The following TMPRSS11A variants were observed in gnomAD, a reference collection of about 807,000 sequenced individuals.
The protein encoded by TMPRSS11A is transmembrane serine protease 11A.
Under a neutral mutation model 58.9 loss-of-function variants are expected in TMPRSS11A, and 53 were observed. The observed-to-expected ratio is 0.90, with a 90% confidence interval of 0.72 to 1.13. TMPRSS11A has a LOEUF of 1.13. TMPRSS11A is among the 50% of genes most tolerant of loss of function. TMPRSS11A has a pLI of 0.00. For synonymous variants in TMPRSS11A, 167 were observed against 169.8 expected, an observed-to-expected ratio of 0.98 and a Z score of 0.13; for missense variants, 493 against 499.3, an observed-to-expected ratio of 0.99 and a Z score of 0.12.
intron 8 of TMPRSS11A, 68 bp from the exon 9 acceptor site, chr4:67,914,798 CT>C: frequency 7.7e-7 from 1 of 1,304,308 alleles, no homozygotes; most frequent in East Asian, 2.4e-5. Flanking sequence ...AGTGAGCAGA[CT>C]TTCCTAATAT....
intron 1 of TMPRSS11A, among the ~76,000 whole-genome samples, chr4:67,958,823 G>A (rs192296976): frequency 2.0e-4 from 31 of 152,276 alleles, no homozygotes; most frequent in Middle Eastern, 3.4e-3. Flanking sequence ...CCCATGTGTC[G>A]TAGGAGGGAT....
chr4:67,947,773 A>G (rs1278307054), intron 1 of TMPRSS11A, among the ~76,000 whole-genome samples: 2 of 152,228 alleles, frequency 1.3e-5, no homozygotes, highest in African/African-American at 4.8e-5. Context: ...TCACTTACAG[A>G]TAGCTTCTCA....
intron 1 of TMPRSS11A, among the ~76,000 whole-genome samples, chr4:67,948,402 C>G (rs1721081143): frequency 6.6e-6 from 1 of 152,146 alleles, no homozygotes. Context: ...TGGTGATCCA[C>G]CCACCTCGGC....
chr4:67,954,986 T>G (rs932815115), intron 1 of TMPRSS11A, among the ~76,000 whole-genome samples: 1 of 152,228 alleles, frequency 6.6e-6, no homozygotes, highest in African/African-American at 2.4e-5. Flanking sequence ...TTATTATTAT[T>G]ACAGACTTGA....
chr4:67,914,566 TA>T (rs766450449), intron 9 of TMPRSS11A, 21 bp downstream of exon 9: 2 of 1,608,764 alleles, frequency 1.2e-6, no homozygotes, highest in Non-Finnish European at 1.7e-6. Flanking sequence ...GTTAGTAATA[TA>T]AAAAAATCCC....
rs940179687 is a variant in TMPRSS11A at position 67,924,121 on chromosome 4, G to T, written c.520+7C>A. 8.1e-6 allele frequency: 13 copies of T among 1,611,828 alleles called. No homozygotes were observed. Among genetic ancestry groups the T allele is most frequent in the South Asian group, 2.2e-5 (2 of 90,984 alleles). On this transcript the variant is annotated splice_region_variant and intron_variant, in intron 6 of 9. Coordinates refer to ENST00000508048, the MANE Select transcript of TMPRSS11A (RefSeq NM_001114387.2). ...TGAACTTGTTTATATAAGCTAACTT[G>T]ACTTACTTGCTTGGACAGTTAACTC...
intron 3 of TMPRSS11A, among the ~76,000 whole-genome samples, chr4:67,938,478 G>A (rs1195380162): frequency 6.6e-6 from 1 of 152,070 alleles, no homozygotes. Context: ...TAAATTCTGT[G>A]CCAAGACTGA....
rs192824315 is a variant in TMPRSS11A at position 67,961,661 on chromosome 4, C to A, written c.11+1722G>T. ...AAGTAGCTGGGCCTACAGGTGCATG[C>A]GCCACCATGCCCGGCTAATTGTTGT... is the stretch of plus-strand genomic sequence containing the variant. On this transcript the variant is annotated intron_variant, in intron 1 of 9. Coordinates refer to ENST00000508048, the MANE Select transcript of TMPRSS11A (RefSeq NM_001114387.2). Among the ~76,000 whole-genome samples the A allele has an allele frequency of 2.1e-3, 324 of 151,864 alleles. 1 individual carries two copies. Among genetic ancestry groups the A allele is most frequent in the African/African-American group, 7.3e-3 (301 of 41,418 alleles).
intron 3 of TMPRSS11A, among the ~76,000 whole-genome samples, chr4:67,938,302 C>T (rs1279778318): frequency 6.6e-6 from 1 of 152,068 alleles, no homozygotes; most frequent in Admixed American, 6.6e-5. Context: ...AGATTCTGGA[C>T]ATTAGACCTT....
At chr4:67,944,233 A>T (rs1289478922) in intron 3 of TMPRSS11A, among the ~76,000 whole-genome samples, 5 of 152,062 alleles carry the variant, frequency 3.3e-5, no homozygotes, top group Non-Finnish European at 7.4e-5. Flanking sequence ...ATGGGCTAGG[A>T]TATCTTGGCC....
At chr4:67,963,254 T>G in intron 1 of TMPRSS11A, 129 bp downstream of exon 1, 1 of 810,378 alleles carries the variant, frequency 1.2e-6, no homozygotes, top group South Asian at 2.2e-5. Flanking sequence ...ATTCCAGAAA[T>G]TTAAAAAAAT....
intron 3 of TMPRSS11A, among the ~76,000 whole-genome samples, chr4:67,935,069 A>G (rs1720719211): frequency 6.6e-6 from 1 of 152,226 alleles, no homozygotes; most frequent in African/African-American, 2.4e-5. Flanking sequence ...CAAGAGTAAC[A>G]TGCAAAGGAT....
intron 1 of TMPRSS11A, among the ~76,000 whole-genome samples, chr4:67,950,348 A>G (rs1247420390): frequency 1.3e-5 from 2 of 152,190 alleles, no homozygotes; most frequent in Non-Finnish European, 2.9e-5. Context: ...ATTACTTGCC[A>G]CTTGGCCATC....
intron 2 of TMPRSS11A, 76 bp downstream of exon 2, chr4:67,946,374 T>C (rs1721005878): frequency 1.4e-6 from 2 of 1,430,674 alleles, no homozygotes; most frequent in African/African-American, 1.5e-5. Flanking sequence ...TTAGATGAAG[T>C]TACATTTACA....
At position 67,963,469 on chromosome 4, in the gene TMPRSS11A, T is replaced by C. The variant is rs1721489479; in HGVS notation, c.-76A>G. ...TTTCTAATCAACTATATGACATCTC[T>C]AGATGTATTAGAAGTCTACGGCTCA... On this transcript the variant is annotated 5_prime_UTR_variant, in exon 1 of 10. Transcript: ENST00000508048. 2 of 1,451,388 alleles carry C rather than the reference T, an allele frequency of 1.4e-6. No homozygotes were observed. Among genetic ancestry groups the C allele is most frequent in the African/African-American group, 1.4e-5 (1 of 71,460 alleles). The allele number at this position is 1,451,388 out of a possible 1,614,324, so 89.9% of individuals were successfully genotyped here. A position where few individuals can be genotyped will look rare whatever the true frequency, so the allele number is the denominator to read the frequency against.
chr4:67,914,219 CA>C (rs1404924505), intron 9 of TMPRSS11A, among the ~76,000 whole-genome samples: 1 of 152,072 alleles, frequency 6.6e-6, no homozygotes, highest in Non-Finnish European at 1.5e-5. Context: ...ATACTTGTTC[CA>C]AAAATGTTTC....
rs1719914176 is a variant in TMPRSS11A, at chr4:67,909,579, A to G, written c.*1763T>C. 1 of 152,178 alleles carries G rather than the reference A, an allele frequency of 6.6e-6. No homozygotes were observed. Among genetic ancestry groups the G allele is most frequent in the South Asian group, 2.1e-4 (1 of 4,836 alleles). The allele number at this position is 152,178 out of a possible 1,614,324, so 9.4% of individuals were successfully genotyped here. A position where few individuals can be genotyped will look rare whatever the true frequency, so the allele number is the denominator to read the frequency against. The stretch of plus-strand genomic sequence containing the variant: ...ACCACCATAATATAGAATAATTTAT[A>G]TGCCTATGTATATTTATATATGAAG... On this transcript the variant is annotated 3_prime_UTR_variant, in exon 10 of 10. Transcript: ENST00000508048.
intron 4 of TMPRSS11A, among the ~76,000 whole-genome samples, chr4:67,931,476 T>A (rs1258747312): frequency 6.6e-6 from 1 of 152,094 alleles, no homozygotes; most frequent in East Asian, 1.9e-4. Context: ...CTGATATGAG[T>A]CTTCCCCCTC....
intron 8 of TMPRSS11A, among the ~76,000 whole-genome samples, chr4:67,915,122 A>G (rs1233705423): frequency 6.6e-5 from 10 of 152,002 alleles, no homozygotes; most frequent in Non-Finnish European, 1.5e-4. Context: ...TGCCTATAAT[A>G]CTATGTACAT....
Sources: gnomAD v4.1 joint callset for allele counts (sites outside exome capture counted in the v4.1 genomes callset) on GRCh38, gnomAD v4.1.1 for gene constraint, MANE v1.5 for transcripts, NCBI Gene and HGNC (gene_info 2026-07-23, HGNC 2026-07-21) for gene names.